TMPRSS11F: variants seen among roughly 807,000 people sequenced by gnomAD.
The protein encoded by TMPRSS11F is transmembrane serine protease 11F.
In TMPRSS11F, 47 loss-of-function variants were observed where a neutral mutation model predicts 60.2. The ratio of observed to expected loss-of-function variants is 0.78; its 90% CI spans 0.62 to 1.00. The LOEUF is 1.00. Ranked by LOEUF, TMPRSS11F falls within the 50% of genes least tolerant of loss-of-function variation. TMPRSS11F has a pLI of 0.00. For missense variants in TMPRSS11F, 519 were observed against 522.9 expected (o/e 0.99, Z 0.07); for synonymous variants, 166 against 167.3 (o/e 0.99, Z 0.06).
At chr4:68,082,691 T>C (rs568708977) in intron 3 of TMPRSS11F, among the ~76,000 whole-genome samples, 4 of 152,256 alleles carry the variant, frequency 2.6e-5, no homozygotes, top group African/African-American at 9.6e-5. Context: ...CTCAACCCCG[T>C]TGGGTTAGAG....
chr4:68,109,234 T>G (rs551483242), intron 1 of TMPRSS11F, among the ~76,000 whole-genome samples: 230 of 152,178 alleles, frequency 1.5e-3, no homozygotes, highest in Non-Finnish European at 2.7e-3. Flanking sequence ...TATTCTCTAG[T>G]GAACAAAAGA....
At position 68,053,627 on chromosome 4, in the gene TMPRSS11F, G is replaced by A. The variant is rs1049551956; in HGVS notation, c.*282C>T. 3.3e-5 allele frequency: 9 copies of A among 275,090 alleles called. No homozygotes were observed. Among genetic ancestry groups the A allele is most frequent in the African/African-American group, 1.3e-4 (6 of 45,756 alleles). The allele number at this position is 275,090 out of a possible 1,614,324, so 17.0% of individuals were successfully genotyped here. On this transcript the variant is annotated 3_prime_UTR_variant, in exon 10 of 10. Transcript: ENST00000356291. ...AATGATGTTCCTGTCTTCAATTGAG[G>A]GAAACCACTTATTTATCTTATTAGG...
At chr4:68,107,679 T>C (rs1724330854) in intron 1 of TMPRSS11F, among the ~76,000 whole-genome samples, 1 of 151,972 alleles carries the variant, frequency 6.6e-6, no homozygotes, top group African/African-American at 2.4e-5. Flanking sequence ...ATAAGAACCA[T>C]TTTGGTCCCA....
intron 2 of TMPRSS11F, among the ~76,000 whole-genome samples, chr4:68,093,428 C>A (rs1291450029): frequency 5.3e-5 from 8 of 152,016 alleles, no homozygotes; most frequent in Non-Finnish European, 1.0e-4. Flanking sequence ...AACATTAGAC[C>A]TAAAACCATA....
intron 3 of TMPRSS11F, among the ~76,000 whole-genome samples, chr4:68,084,055 A>G (rs762188188): frequency 3.3e-5 from 5 of 152,228 alleles, no homozygotes; most frequent in African/African-American, 4.8e-5. Flanking sequence ...GAATAGACCA[A>G]GCTGAGGAAA....
At chr4:68,101,756 TATAG>T (rs1724194832) in intron 1 of TMPRSS11F, among the ~76,000 whole-genome samples, 2 of 152,176 alleles carry the variant, frequency 1.3e-5, no homozygotes, top group South Asian at 4.1e-4. Flanking sequence ...AAGGAATACA[TATAG>T]ATAGTTCAGA....
chr4:68,097,128 C>A (rs1724090054), intron 2 of TMPRSS11F, among the ~76,000 whole-genome samples: 1 of 152,300 alleles, frequency 6.6e-6, no homozygotes, highest in Non-Finnish European at 1.5e-5. Flanking sequence ...TCAGGAAAGA[C>A]TTGGAGATAG....
At chr4:68,108,860 G>C (rs1489735658) in intron 1 of TMPRSS11F, among the ~76,000 whole-genome samples, 4 of 152,156 alleles carry the variant, frequency 2.6e-5, no homozygotes, top group African/African-American at 9.7e-5. Context: ...TATGGGGGTA[G>C]GGATTTGAAG....
intron 1 of TMPRSS11F, among the ~76,000 whole-genome samples, chr4:68,124,945 A>ATTTTT (rs370189875): frequency 0.019 from 1,818 of 94,042 alleles, 99 homozygotes; most frequent in Middle Eastern, 0.038. Context: ...CTAAACCAGC[A>ATTTTT]TTTTTTTTTT....
At chr4:68,099,675 G>A (rs1457331602) in intron 1 of TMPRSS11F, among the ~76,000 whole-genome samples, 1 of 152,124 alleles carries the variant, frequency 6.6e-6, no homozygotes, top group Admixed American at 6.6e-5. Flanking sequence ...TCTTTCAAGT[G>A]AAATTTTTCT....
intron 8 of TMPRSS11F, chr4:68,063,161 A>G (rs1015764866): frequency 1.6e-6 from 1 of 607,288 alleles, no homozygotes; most frequent in Non-Finnish European, 3.2e-6. Context: ...GCATCAGGAT[A>G]ATAAACACCC....
chr4:68,059,231 CCA>C, intron 9 of TMPRSS11F, 93 bp downstream of exon 9: 1 of 1,292,578 alleles, frequency 7.7e-7, no homozygotes. Context: ...GTAAGAGATG[CCA>C]TTTTTTTTTC....
intron 2 of TMPRSS11F, among the ~76,000 whole-genome samples, chr4:68,095,075 T>C (rs926618333): frequency 6.6e-6 from 1 of 151,912 alleles, no homozygotes; most frequent in Non-Finnish European, 1.5e-5. Flanking sequence ...TGGTAGTGAA[T>C]GTTATTTTAT....
Position 68,079,112 on chromosome 4 carries a change from G to T in TMPRSS11F, c.283-5103C>A, listed in dbSNP as rs147459034. Among the ~76,000 whole-genome samples, 21 of 115,722 alleles carry T rather than the reference G, an allele frequency of 1.8e-4. No homozygotes were observed. The East Asian group carries it at 3.5e-3, about 19-fold the overall frequency. 75.9% of individuals were successfully genotyped at this position (115,722 alleles called of 152,430 possible). On this transcript the variant is annotated intron_variant, in intron 3 of 9. Coordinates refer to ENST00000356291, the MANE Select transcript of TMPRSS11F (RefSeq NM_207407.2). ...TGTGACCTTTACTAAAAGCTTACAAGTATTAATTCCATACTGCATGGCAGG... is the reference window on the plus strand; with the variant it reads ...TGTGACCTTTACTAAAAGCTTACAATTATTAATTCCATACTGCATGGCAGG...
chr4:68,072,230 AATAT>A (rs545198741), intron 5 of TMPRSS11F, 89 bp downstream of exon 5: 3 of 92,808 alleles, frequency 3.2e-5, no homozygotes, highest in Non-Finnish European at 6.3e-5. Flanking sequence ...CCAAAAAAAA[AATAT>A]ATATATATAT....
chr4:68,104,963 T>TC (rs1157654299), intron 1 of TMPRSS11F, among the ~76,000 whole-genome samples: 1 of 151,338 alleles, frequency 6.6e-6, no homozygotes, highest in South Asian at 2.1e-4. Flanking sequence ...TTGTAGGTTT[T>TC]TTTTTTTTCC....
chr4:68,089,925 T>G (rs1723889181), intron 3 of TMPRSS11F, among the ~76,000 whole-genome samples: 1 of 152,116 alleles, frequency 6.6e-6, no homozygotes, highest in Admixed American at 6.6e-5. Flanking sequence ...AACAAATCTA[T>G]GATCTCCATA....
intron 5 of TMPRSS11F, 38 bp from the exon 6 acceptor site, chr4:68,070,045 T>C (rs1723420389): frequency 6.4e-7 from 1 of 1,569,120 alleles, no homozygotes; most frequent in Admixed American, 1.7e-5. Context: ...GGCAGAAGAA[T>C]ATATTCCCAT....
At chr4:68,101,579 A>T (rs1345579051) in intron 1 of TMPRSS11F, among the ~76,000 whole-genome samples, 1 of 152,174 alleles carries the variant, frequency 6.6e-6, no homozygotes, top group Non-Finnish European at 1.5e-5. Flanking sequence ...ATGACATTTA[A>T]ATTCCCTAAT....
Sources: allele counts gnomAD v4.1 joint callset (sites outside exome capture counted in the v4.1 genomes callset), GRCh38; gene constraint gnomAD v4.1.1; transcripts MANE v1.5; gene names NCBI Gene and HGNC (gene_info 2026-07-23, HGNC 2026-07-21).